ZNF521: variants seen among roughly 807,000 people sequenced by gnomAD.
ZNF521 encodes the protein LYST-interacting protein 3.
Under a neutral mutation model 105.5 loss-of-function variants are expected in ZNF521, and 14 were observed. The ratio of observed to expected loss-of-function variants is 0.13; its 90% CI spans 0.09 to 0.21. The LOEUF (loss-of-function observed/expected upper bound fraction) is 0.21. Ranked by LOEUF, ZNF521 falls within the 10% of genes least tolerant of loss-of-function variation. The pLI is 1.00. For missense variants in ZNF521, 1,233 were observed against 1,629.7 expected (o/e 0.76, Z 4.19); for synonymous variants, 635 against 606.0 (o/e 1.05, Z -0.70).
intron 3 of ZNF521, among the ~76,000 whole-genome samples, chr18:25,303,647 T>C (rs1026356577): frequency 4.6e-5 from 7 of 152,110 alleles, no homozygotes; most frequent in African/African-American, 1.7e-4. Flanking sequence ...GGTTTCCTAT[T>C]ATATATAATT....
chr18:25,213,228 TAAC>T (rs1405164475), intron 4 of ZNF521, among the ~76,000 whole-genome samples: 1 of 148,466 alleles, frequency 6.7e-6, no homozygotes, highest in Non-Finnish European at 1.5e-5. Context: ...ATAAAATATA[TAAC>T]TATATAATAA....
intron 4 of ZNF521, among the ~76,000 whole-genome samples, chr18:25,196,477 T>C (rs2035903432): frequency 6.6e-6 from 1 of 151,012 alleles, no homozygotes; most frequent in South Asian, 2.1e-4. Flanking sequence ...ATGCCATTAA[T>C]ATAAATTTTT....
chr18:25,262,077 CAAG>C (rs1908947492), intron 3 of ZNF521, among the ~76,000 whole-genome samples: 2 of 152,224 alleles, frequency 1.3e-5, no homozygotes, highest in Admixed American at 1.3e-4. Context: ...ACAGACAGTA[CAAG>C]AAGTCCCTAT....
At chr18:25,212,554 T>A (rs1477982006) in intron 4 of ZNF521, among the ~76,000 whole-genome samples, 13 of 117,754 alleles carry the variant, frequency 1.1e-4, no homozygotes. Context: ...TATATATATA[T>A]ATATATATAT....
At chr18:25,305,370 A>G (rs569965425) in intron 3 of ZNF521, among the ~76,000 whole-genome samples, 2 of 152,382 alleles carry the variant, frequency 1.3e-5, no homozygotes, top group Non-Finnish European at 2.9e-5. Context: ...TACTAAATAA[A>G]TAAGCTACAA....
intron 3 of ZNF521, among the ~76,000 whole-genome samples, chr18:25,242,150 C>T (rs544637120): frequency 6.6e-6 from 1 of 152,228 alleles, no homozygotes; most frequent in East Asian, 1.9e-4. Context: ...TGCCTTTTTC[C>T]TATTATTCAA....
rs1278855727 is a variant in ZNF521 at position 25,082,711 on chromosome 18, G to A, written c.3906+6754C>T. 7.3e-6 allele frequency: 3 copies of A among 410,364 alleles called. No homozygotes were observed. The East Asian group carries it at 2.3e-4, about 31-fold the overall frequency. 25.4% of individuals were successfully genotyped at this position (410,364 alleles called of 1,614,324 possible). A position where few individuals can be genotyped will look rare whatever the true frequency, so the allele number is the denominator to read the frequency against. ...CAAAAAATTAGCTGGGTGTGGCAGT[G>A]TGAACCTGTAATCCCAGTTACTTGG... is the stretch of plus-strand genomic sequence containing the variant. On this transcript the variant is annotated intron_variant, in intron 7 of 7. Transcript: ENST00000361524.
intron 4 of ZNF521, among the ~76,000 whole-genome samples, chr18:25,199,238 G>A (rs77497766): frequency 1.3e-5 from 2 of 149,504 alleles, no homozygotes; most frequent in African/African-American, 2.5e-5. Context: ...CTATGAGGGG[G>A]AAAAAAAACC....
At chr18:25,139,238 C>T (rs1354473703) in intron 5 of ZNF521, among the ~76,000 whole-genome samples, 1 of 151,594 alleles carries the variant, frequency 6.6e-6, no homozygotes, top group East Asian at 1.9e-4. Flanking sequence ...GGTGTGGTGG[C>T]AGGCACCTGT....
chr18:25,293,810 A>T (rs1911171098), intron 3 of ZNF521, among the ~76,000 whole-genome samples: 1 of 152,242 alleles, frequency 6.6e-6, no homozygotes. Context: ...AGCCTCTACC[A>T]GAGGATATTT....
At chr18:25,346,624 A>AAAAAT (rs1172055435) in intron 2 of ZNF521, among the ~76,000 whole-genome samples, 19 of 152,212 alleles carry the variant, frequency 1.2e-4, no homozygotes, top group African/African-American at 4.3e-4. Flanking sequence ...TACTCTACTC[A>AAAAAT]AAAATAAAAT....
At chr18:25,146,625 G>A (rs987143376) in intron 5 of ZNF521, among the ~76,000 whole-genome samples, 2 of 152,042 alleles carry the variant, frequency 1.3e-5, no homozygotes, top group Non-Finnish European at 2.9e-5. Context: ...TATAACCCTT[G>A]CCACTTGGCC....
intron 5 of ZNF521, among the ~76,000 whole-genome samples, chr18:25,161,976 G>T (rs2035259627): frequency 6.6e-6 from 1 of 152,072 alleles, no homozygotes. Flanking sequence ...ACCTTCTGTG[G>T]GATTTTCAAA....
At chr18:25,092,124 A>T in intron 5 of ZNF521, 43 bp from the exon 6 acceptor site, 2 of 1,610,628 alleles carry the variant, frequency 1.2e-6, no homozygotes, top group Non-Finnish European at 1.7e-6. Context: ...AAAACCTGTC[A>T]TATCTTTAAT....
intron 4 of ZNF521, among the ~76,000 whole-genome samples, chr18:25,211,581 G>T (rs1468385411): frequency 6.6e-6 from 1 of 152,074 alleles, no homozygotes; most frequent in Non-Finnish European, 1.5e-5. Flanking sequence ...CTATATGGCA[G>T]TTTGCGTTTT....
intron 5 of ZNF521, among the ~76,000 whole-genome samples, chr18:25,161,973 G>A (rs963316540): frequency 6.6e-6 from 1 of 152,172 alleles, no homozygotes; most frequent in African/African-American, 2.4e-5. Context: ...ACTACCTTCT[G>A]TGGGATTTTC....
intron 4 of ZNF521, among the ~76,000 whole-genome samples, chr18:25,209,350 A>T (rs2036137654): frequency 6.6e-6 from 1 of 151,800 alleles, no homozygotes. Flanking sequence ...CAGGCTCATG[A>T]TCTACCCACC....
At chr18:25,216,194 C>T (rs940496109) in intron 4 of ZNF521, among the ~76,000 whole-genome samples, 4 of 152,050 alleles carry the variant, frequency 2.6e-5, no homozygotes, top group African/African-American at 4.8e-5. Context: ...AACAGAACTC[C>T]GGGACTTGAG....
At chr18:25,130,773 T>A (rs908939028) in intron 5 of ZNF521, among the ~76,000 whole-genome samples, 2 of 151,986 alleles carry the variant, frequency 1.3e-5, no homozygotes, top group Admixed American at 6.6e-5. Context: ...CGAGACCCCA[T>A]CTCTACAAAA....
Sources: allele counts gnomAD v4.1 joint callset (sites outside exome capture counted in the v4.1 genomes callset), GRCh38; gene constraint gnomAD v4.1.1; transcripts MANE v1.5; gene names NCBI Gene and HGNC (gene_info 2026-07-23, HGNC 2026-07-21).